Variants in AGBL4 observed in about 807,000 individuals in gnomAD.
AGBL4 encodes AGBL carboxypeptidase 4.
A neutral mutation model predicts 66.4 loss-of-function variants in AGBL4; 58 were observed. The observed-to-expected ratio is 0.87, with a 90% CI of 0.71 to 1.09. AGBL4 has a LOEUF of 1.09. AGBL4 is among the 50% of genes least tolerant of loss of function. The probability of loss-of-function intolerance (pLI) is 0.00; values close to 1 mark genes in which losing one functional copy is unlikely to be tolerated. For synonymous variants in AGBL4, 234 were observed against 222.9 expected (o/e 1.05, Z -0.44); for missense variants, 579 against 631.0 (o/e 0.92, Z 0.88).
downstream of AGBL4, among the ~76,000 whole-genome samples, chr1:48,530,087 T>C (rs1288382645): frequency 1.3e-5 from 2 of 152,234 alleles, no homozygotes; most frequent in East Asian, 1.9e-4. Context: ...TTTAACCTGT[T>C]TCTTTTTTTG....
At chr1:48,969,004 G>A (rs936848490) in intron 5 of AGBL4, among the ~76,000 whole-genome samples, 6 of 151,984 alleles carry the variant, frequency 3.9e-5, no homozygotes, top group African/African-American at 1.4e-4. Context: ...GTGTCTTGTT[G>A]GTTTTCCAGA....
At chr1:49,196,098 A>C (rs1323797265) in intron 4 of AGBL4, among the ~76,000 whole-genome samples, 1 of 152,218 alleles carries the variant, frequency 6.6e-6, no homozygotes, top group African/African-American at 2.4e-5. Flanking sequence ...TGAGTCAATT[A>C]AACCTTTTTC....
chr1:49,819,722 A>G (rs1008512041), intron 2 of AGBL4, among the ~76,000 whole-genome samples: 3 of 152,168 alleles, frequency 2.0e-5, no homozygotes, highest in Admixed American at 6.6e-5. Context: ...CATACGCTCT[A>G]TTCTCTAGGC....
At chr1:49,603,502 G>A (rs552580039) in intron 3 of AGBL4, among the ~76,000 whole-genome samples, 3 of 150,876 alleles carry the variant, frequency 2.0e-5, no homozygotes, top group Admixed American at 6.7e-5. Context: ...TCCAGCCTGG[G>A]CGACAGAGCG....
At chr1:49,260,836 C>T (rs942390261) in intron 3 of AGBL4, among the ~76,000 whole-genome samples, 23 of 151,856 alleles carry the variant, frequency 1.5e-4, no homozygotes, top group Non-Finnish European at 2.6e-4. Flanking sequence ...GATACCAAAG[C>T]CGGGCAGAGA....
intron 1 of AGBL4, among the ~76,000 whole-genome samples, chr1:49,853,412 T>C (rs1481203623): frequency 6.6e-6 from 1 of 152,060 alleles, no homozygotes; most frequent in East Asian, 1.9e-4. Flanking sequence ...CAGTAAACTT[T>C]AGATCAATAA....
chr1:49,227,028 C>T (rs764927366), intron 4 of AGBL4, among the ~76,000 whole-genome samples: 27 of 152,136 alleles, frequency 1.8e-4, no homozygotes, highest in Non-Finnish European at 3.5e-4. Flanking sequence ...AAGGCTCCAC[C>T]CAAATTACCT....
intron 3 of AGBL4, among the ~76,000 whole-genome samples, chr1:49,540,910 A>T (rs960341739): frequency 2.0e-5 from 3 of 152,212 alleles, no homozygotes; most frequent in African/African-American, 7.2e-5. Flanking sequence ...ATGTTAGTGA[A>T]GGCGGTCCAA....
At chr1:48,562,831 C>A (rs1370100292) in intron 11 of AGBL4, among the ~76,000 whole-genome samples, 2 of 152,178 alleles carry the variant, frequency 1.3e-5, no homozygotes, top group Non-Finnish European at 2.9e-5. Flanking sequence ...GTTATTCATG[C>A]AATAATTTGT....
At chr1:49,511,971 C>G (rs1649307590) in intron 3 of AGBL4, among the ~76,000 whole-genome samples, 1 of 151,900 alleles carries the variant, frequency 6.6e-6, no homozygotes, top group Admixed American at 6.6e-5. Flanking sequence ...TGATGCTTGC[C>G]CTCTGCATGG....
At chr1:49,051,512 T>C (rs2147889226) in intron 4 of AGBL4, among the ~76,000 whole-genome samples, 1 of 152,288 alleles carries the variant, frequency 6.6e-6, no homozygotes, top group South Asian at 2.1e-4. Flanking sequence ...TAAGATTTCA[T>C]TCCTTTTCCC....
At chr1:49,957,713 G>A (rs1032422427) in intron 1 of AGBL4, among the ~76,000 whole-genome samples, 4 of 151,650 alleles carry the variant, frequency 2.6e-5, no homozygotes, top group African/African-American at 7.3e-5. Context: ...CATTTGCTTC[G>A]TAGATCTTCC....
chr1:49,445,757 A>G (rs1186161886), intron 3 of AGBL4, among the ~76,000 whole-genome samples: 1 of 151,968 alleles, frequency 6.6e-6, no homozygotes, highest in African/African-American at 2.4e-5. Flanking sequence ...TCCCATTCAT[A>G]TCCTGAATTG....
intron 4 of AGBL4, among the ~76,000 whole-genome samples, chr1:49,109,206 T>C (rs535859388): frequency 2.6e-5 from 4 of 152,298 alleles, no homozygotes; most frequent in South Asian, 2.1e-4. Context: ...CTTCCCTGGA[T>C]TGGGGAGAAG....
intron 3 of AGBL4, among the ~76,000 whole-genome samples, chr1:49,278,864 G>A (rs1644223154): frequency 6.6e-6 from 1 of 152,090 alleles, no homozygotes; most frequent in Non-Finnish European, 1.5e-5. Context: ...TAGTAAAGCT[G>A]ATGTAACATT....
chr1:49,543,262 C>G (rs1652206398), intron 3 of AGBL4, among the ~76,000 whole-genome samples: 1 of 152,044 alleles, frequency 6.6e-6, no homozygotes, highest in Non-Finnish European at 1.5e-5. Flanking sequence ...CTTGTGGATG[C>G]TGGGAAGGGG....
At chr1:49,502,451 G>A (rs1470325648) in intron 3 of AGBL4, among the ~76,000 whole-genome samples, 1 of 152,106 alleles carries the variant, frequency 6.6e-6, no homozygotes, top group Non-Finnish European at 1.5e-5. Flanking sequence ...ATCTGAAAAT[G>A]TGGAAGTGAT....
intron 1 of AGBL4, among the ~76,000 whole-genome samples, chr1:49,917,945 C>A (rs1314443378): frequency 6.6e-6 from 1 of 152,184 alleles, no homozygotes; most frequent in East Asian, 1.9e-4. Flanking sequence ...CAAAACAGCT[C>A]AACTACCTAG....
At chr1:48,542,954 C>G (rs1296947186) in intron 11 of AGBL4, among the ~76,000 whole-genome samples, 1 of 152,146 alleles carries the variant, frequency 6.6e-6, no homozygotes, top group Non-Finnish European at 1.5e-5. Context: ...CTGACTCATT[C>G]AATTCTCACA....
Sources: allele counts gnomAD v4.1 joint callset (sites outside exome capture counted in the v4.1 genomes callset), GRCh38; gene constraint gnomAD v4.1.1; transcripts MANE v1.5; gene names NCBI Gene and HGNC (gene_info 2026-07-23, HGNC 2026-07-21).